DMXL2: variants seen among roughly 807,000 people sequenced by gnomAD.
DMXL2 encodes the protein dmX-like protein 2.
In DMXL2, 103 loss-of-function variants were observed where a neutral mutation model predicts 331.1. The observed-to-expected ratio is 0.31, with a 90% CI of 0.27 to 0.37. DMXL2 has a LOEUF of 0.37. DMXL2 is among the 10% of genes least tolerant of loss of function. The probability of loss-of-function intolerance (pLI) is 1.00; values close to 1 mark genes in which losing one functional copy is unlikely to be tolerated. For synonymous variants in DMXL2, 1,281 were observed against 1,252.1 expected (o/e 1.02, Z -0.49); for missense variants, 3,171 against 3,642.9 (o/e 0.87, Z 3.33).
chr15:51,537,942 T>C (rs1349157794), intron 10 of DMXL2, among the ~76,000 whole-genome samples, 183 bp from the exon 11 acceptor site: 1 of 152,204 alleles, frequency 6.6e-6, no homozygotes, highest in African/African-American at 2.4e-5. Context: ...TTAGATAAAT[T>C]AAAACTTCAT....
At chr15:51,465,074 TAG>T (rs368188658) in intron 31 of DMXL2, among the ~76,000 whole-genome samples, 198 bp from the exon 32 acceptor site, 66 of 152,332 alleles carry the variant, frequency 4.3e-4, no homozygotes, top group African/African-American at 1.5e-3. Flanking sequence ...ATCTTCTGTG[TAG>T]AGAGTGATTC....
intron 29 of DMXL2, among the ~76,000 whole-genome samples, chr15:51,466,891 T>TA (rs964220263): frequency 6.6e-5 from 10 of 151,560 alleles, no homozygotes; most frequent in African/African-American, 1.7e-4. Context: ...TTTTTTTAAA[T>TA]AAAAAAAATC....
Position 51,455,301 on chromosome 15 carries a change from T to C in DMXL2, c.8527-73A>G, listed in dbSNP as rs984855530. 7 of 1,217,546 alleles carry C rather than the reference T, an allele frequency of 5.7e-6. No individual in the cohort carries two copies. The East Asian group carries it at 9.4e-5, about 16-fold the overall frequency. The allele number at this position is 1,217,546 out of a possible 1,614,324, so 75.4% of individuals were successfully genotyped here. ...CAAAGGTAAAAACATGGAAGGAAGATTCACTAAGGCCCTACTAAATAAACA... is the reference window on the plus strand; with the variant it reads ...CAAAGGTAAAAACATGGAAGGAAGACTCACTAAGGCCCTACTAAATAAACA... On this transcript the variant is annotated intron_variant, in intron 39 of 43. Transcript: ENST00000560891.
At chr15:51,576,762 C>T (rs1470985693) in intron 1 of DMXL2, among the ~76,000 whole-genome samples, 1 of 152,190 alleles carries the variant, frequency 6.6e-6, no homozygotes, top group African/African-American at 2.4e-5. Context: ...CCAACATCCA[C>T]CATCCATCCC....
rs151030730 is a variant in DMXL2, at chr15:51,457,499, T to A, written c.8199-33A>T. On this transcript the variant is annotated intron_variant, in intron 36 of 43. Coordinates refer to ENST00000560891, the MANE Select transcript of DMXL2 (RefSeq NM_001378457.1). The stretch of plus-strand genomic sequence containing the variant: ...AAACATTCATGTGTTACTGTGAACA[T>A]TCCCTTTTCTCTTAACACAAATTCC... The A allele has an allele frequency of 2.5e-4, 400 of 1,607,018 alleles. 1 individual carries two copies. The highest frequency in any genetic ancestry group is 2.9e-4 in the Non-Finnish European group (336 of 1,175,644).
chr15:51,458,829 C>A, intron 34 of DMXL2, 34 bp from the exon 35 acceptor site: 1 of 1,550,320 alleles, frequency 6.5e-7, no homozygotes, highest in South Asian at 1.1e-5. Context: ...TTAGTTGCTG[C>A]AGCACAGCTC....
At chr15:51,503,785 T>C (rs951492717) in intron 16 of DMXL2, among the ~76,000 whole-genome samples, 1 of 152,210 alleles carries the variant, frequency 6.6e-6, no homozygotes, top group Non-Finnish European at 1.5e-5. Context: ...ATATGATCAT[T>C]ACATATTCTA....
chr15:51,583,128 T>C (rs867551064), intron 1 of DMXL2, among the ~76,000 whole-genome samples: 22 of 137,188 alleles, frequency 1.6e-4, no homozygotes, highest in Admixed American at 7.3e-5. Context: ...TTTCTTTTTT[T>C]TTTTTTTTTT....
At chr15:51,555,460 T>A (rs1349526377) in intron 6 of DMXL2, among the ~76,000 whole-genome samples, 7 of 152,086 alleles carry the variant, frequency 4.6e-5, no homozygotes, top group Admixed American at 1.3e-4. Flanking sequence ...TTAAATGGCA[T>A]CAGAAATCTT....
chr15:51,595,847 T>C (rs1280147688), intron 1 of DMXL2, among the ~76,000 whole-genome samples: 1 of 152,188 alleles, frequency 6.6e-6, no homozygotes, highest in Non-Finnish European at 1.5e-5. Context: ...TAAATGGTGC[T>C]GGGAAAACTG....
chr15:51,596,127 A>C (rs1460421576), intron 1 of DMXL2, among the ~76,000 whole-genome samples: 1 of 152,230 alleles, frequency 6.6e-6, no homozygotes, highest in African/African-American at 2.4e-5. Context: ...ATCAGAGTGA[A>C]CAGGCAACCT....
intron 27 of DMXL2, among the ~76,000 whole-genome samples, chr15:51,474,871 T>C (rs1368626726): frequency 6.6e-6 from 1 of 152,150 alleles, no homozygotes; most frequent in African/African-American, 2.4e-5. Flanking sequence ...AAATGAGTGA[T>C]AGTGTTAGAA....
At chr15:51,545,874 G>A in intron 7 of DMXL2, 108 bp from the exon 8 acceptor site, 2 of 801,566 alleles carry the variant, frequency 2.5e-6, no homozygotes, top group South Asian at 4.5e-5. Context: ...AAAACACTAT[G>A]GAAAAAAGGA....
rs201450973 is a variant in DMXL2, at chr15:51,457,431, G to C, written c.8234C>G (p.Thr2745Ser). ...DDVDYRGSTT[T>S]LYQPSATSYS... Reference sequence around the variant, plus strand: ...GGATGTTGCACTGGGTTGATAAAGAGTTGTAGTGGAACCACGATAATCAAC... The same window carrying C: ...GGATGTTGCACTGGGTTGATAAAGACTTGTAGTGGAACCACGATAATCAAC... The change falls in exon 37 of 44, where the codon ACT becomes AGT. Residue 2745 changes from threonine to serine, a missense_variant. Thr to Ser is a moderately conservative substitution (Grantham distance 58). Coordinates refer to ENST00000560891, the MANE Select transcript of DMXL2 (RefSeq NM_001378457.1). 146 of 1,614,058 alleles carry C rather than the reference G, an allele frequency of 9.0e-5. No individual in the cohort carries two copies. The highest frequency in any genetic ancestry group is 1.8e-5 in the Non-Finnish European group (21 of 1,180,018).
chr15:51,556,391 A>G (rs1366420112), intron 6 of DMXL2, among the ~76,000 whole-genome samples: 2 of 150,682 alleles, frequency 1.3e-5, no homozygotes, highest in African/African-American at 4.9e-5. Flanking sequence ...GATCAAATCC[A>G]GCAAGGATAA....
chr15:51,566,232 GGTGTGTGTGT>G (rs71127197), intron 3 of DMXL2, among the ~76,000 whole-genome samples: 3,374 of 144,774 alleles, frequency 0.023, 85 homozygotes, highest in East Asian at 0.049. Context: ...GTGTGTGTGG[GGTGTGTGTGT>G]GTGTGTGTGT....
Position 51,462,878 on chromosome 15 carries a change from CT to C in DMXL2, c.7926+500del, listed in dbSNP as rs545280900. 1.1e-3 allele frequency among the ~76,000 whole-genome samples: 175 copies of C among 152,306 alleles called. 1 individual carries two copies. The highest frequency in any genetic ancestry group is 2.1e-3 in the South Asian group (10 of 4,824). Reference sequence around the variant, plus strand: ...AAAATAACCATGCAATGCAGAACCTCTGTCTTGCTTTGTAAGAGCAATCTTC... The same window carrying C: ...AAAATAACCATGCAATGCAGAACCTCGTCTTGCTTTGTAAGAGCAATCTTC... On this transcript the variant is annotated intron_variant, in intron 33 of 43. Transcript: ENST00000560891.
At chr15:51,619,438 G>A (rs1246273547) in intron 1 of DMXL2, among the ~76,000 whole-genome samples, 1 of 152,182 alleles carries the variant, frequency 6.6e-6, no homozygotes, top group African/African-American at 2.4e-5. Flanking sequence ...AAGCATCATA[G>A]CTTACGTGAT....
chr15:51,491,544 T>C, intron 20 of DMXL2, 34 bp downstream of exon 20: 1 of 1,560,542 alleles, frequency 6.4e-7, no homozygotes. Flanking sequence ...AAGGTTTTTT[T>C]AATATAACTC....
Sources: allele counts gnomAD v4.1 joint callset (sites outside exome capture counted in the v4.1 genomes callset), GRCh38; gene constraint gnomAD v4.1.1; transcripts MANE v1.5; gene names NCBI Gene and HGNC (gene_info 2026-07-23, HGNC 2026-07-21).